The following SLC38A11 variants were observed in gnomAD, a reference collection of about 807,000 sequenced individuals.
SLC38A11 encodes the protein putative sodium-coupled neutral amino acid transporter 11.
Under a neutral mutation model 49.4 loss-of-function variants are expected in SLC38A11, and 51 were observed. That is an observed-to-expected ratio of 1.03 (90% confidence interval 0.83 to 1.30). SLC38A11 has a LOEUF of 1.30. SLC38A11 is among the 50% of genes most tolerant of loss of function. The probability of loss-of-function intolerance (pLI) is 0.00; values close to 1 mark genes in which losing one functional copy is unlikely to be tolerated. For missense variants in SLC38A11, 574 were observed against 556.2 expected, an observed-to-expected ratio of 1.03 and a Z score of -0.32; for synonymous variants, 203 against 192.9, an observed-to-expected ratio of 1.05 and a Z score of -0.43.
intron 7 of SLC38A11, among the ~76,000 whole-genome samples, chr2:164,918,631 T>C (rs1685965387): frequency 6.6e-6 from 1 of 152,150 alleles, no homozygotes; most frequent in Non-Finnish European, 1.5e-5. Flanking sequence ...TCCTAGCTGA[T>C]TCAATAAAAT....
chr2:164,944,343 T>A (rs35425405), intron 5 of SLC38A11, among the ~76,000 whole-genome samples: 10,450 of 152,138 alleles, frequency 0.069, 394 homozygotes, highest in Admixed American at 0.1. Context: ...TTCTAAGTAT[T>A]TAAATAGTAA....
chr2:164,927,664 C>T (rs1232981954), intron 7 of SLC38A11, among the ~76,000 whole-genome samples: 1 of 152,098 alleles, frequency 6.6e-6, no homozygotes. Context: ...TACCAACTTC[C>T]CGTCCCCCAT....
intron 11 of SLC38A11, among the ~76,000 whole-genome samples, chr2:164,906,799 TC>T (rs1237979484): frequency 6.6e-6 from 1 of 152,150 alleles, no homozygotes; most frequent in East Asian, 1.9e-4. Flanking sequence ...AACTGCTTAC[TC>T]CCCACTTTCC....
intron 9 of SLC38A11, among the ~76,000 whole-genome samples, chr2:164,914,905 G>C (rs1016776633): frequency 1.3e-5 from 2 of 151,902 alleles, no homozygotes; most frequent in East Asian, 3.9e-4. Context: ...TGGAAGGAGA[G>C]AGTATGGGCT....
chr2:164,934,125 G>A (rs1262429208), intron 7 of SLC38A11, among the ~76,000 whole-genome samples: 2 of 152,042 alleles, frequency 1.3e-5, no homozygotes, highest in Non-Finnish European at 2.9e-5. Context: ...TCTATATCAA[G>A]GCACACTGCT....
At chr2:164,947,251 C>G (rs944989717) in intron 3 of SLC38A11, among the ~76,000 whole-genome samples, 1 of 149,112 alleles carries the variant, frequency 6.7e-6, no homozygotes, top group Non-Finnish European at 1.5e-5. Context: ...CCTGCCTCAG[C>G]TTCCTGATCA....
chr2:164,920,614 G>C (rs900109060), intron 7 of SLC38A11, among the ~76,000 whole-genome samples: 1 of 152,118 alleles, frequency 6.6e-6, no homozygotes, highest in Non-Finnish European at 1.5e-5. Context: ...AGAAGATGTT[G>C]CAACCATGTA....
rs138230187 is a variant in SLC38A11, at chr2:164,908,703, G to A, written c.1032C>T (p.Val344=). The part of the protein sequence containing the change: ...SVFHIVVTVM[V]ITVATLVSLL... ...ATGACACAAGCGTGGCTACAGTGAT[G>A]ACCATCACTGTTACAACAATGTGGA... Residue 344 remains valine (V), a synonymous_variant, in exon 11 of 12, where the codon GTC becomes GTT. Transcript: ENST00000685975. 6.2e-7 allele frequency: 1 copy of A among 1,611,296 alleles called. No individual in the cohort carries two copies. The highest frequency in any genetic ancestry group is 1.7e-5 in the Admixed American group (1 of 59,664).
In SLC38A11 at chr2:164,944,586, A is replaced by C. The variant is rs1687984695; in HGVS notation, c.413T>G (p.Phe138Cys). Residue 138 changes from phenylalanine (F) to cysteine (C), a missense_variant, in exon 5 of 12, where the codon TTT becomes TGT. Phe to Cys is a radical substitution (Grantham distance 205). Transcript: ENST00000685975. ...IIAGDTLSKV[F>C]QRIPGVDPEN... ...TGGCTTACCTCCTGGGATTCTTTGA[A>C]AAACTTTGCTCAAAGTATCTCCAGC... The C allele has an allele frequency of 7.5e-7, 1 of 1,341,008 alleles. No individual in the cohort carries two copies. The highest frequency in any genetic ancestry group is 3.1e-5 in the Admixed American group (1 of 32,128). The allele number at this position is 1,341,008 out of a possible 1,614,324, so 83.1% of individuals were successfully genotyped here. A position where few individuals can be genotyped will look rare whatever the true frequency, so the allele number is the denominator to read the frequency against.
chr2:164,943,587 G>A (rs1358008741), intron 5 of SLC38A11, among the ~76,000 whole-genome samples: 1 of 152,198 alleles, frequency 6.6e-6, no homozygotes, highest in Non-Finnish European at 1.5e-5. Flanking sequence ...TTGGAAGAGG[G>A]AGCTGGAGAT....
intron 6 of SLC38A11, 102 bp from the exon 7 acceptor site, chr2:164,937,531 A>G: frequency 1.3e-6 from 1 of 765,662 alleles, no homozygotes; most frequent in East Asian, 2.7e-5. Flanking sequence ...TTACATATAG[A>G]TTTTTTTGCC....
intron 7 of SLC38A11, among the ~76,000 whole-genome samples, chr2:164,935,703 A>G (rs1358204329): frequency 6.6e-6 from 1 of 151,968 alleles, no homozygotes; most frequent in Non-Finnish European, 1.5e-5. Flanking sequence ...AAGTAAAAAC[A>G]AAACAAAAAA....
intron 7 of SLC38A11, among the ~76,000 whole-genome samples, chr2:164,926,626 A>G (rs1284027786): frequency 3.9e-5 from 6 of 152,120 alleles, no homozygotes; most frequent in Admixed American, 6.5e-5. Context: ...ATGTCCATCA[A>G]TGATAGACTG....
intron 4 of SLC38A11, 49 bp from the exon 5 acceptor site, chr2:164,944,683 C>T: frequency 1.4e-6 from 1 of 724,608 alleles, no homozygotes; most frequent in Non-Finnish European, 2.0e-6. Context: ...TCTCATATTT[C>T]ATCCTAAATA....
intron 7 of SLC38A11, among the ~76,000 whole-genome samples, chr2:164,917,141 G>T (rs2105465919): frequency 6.6e-6 from 1 of 152,212 alleles, no homozygotes; most frequent in Admixed American, 6.6e-5. Context: ...GGGAAGGGAA[G>T]GCTTGAGTAA....
At chr2:164,946,980 T>C (rs1486021829) in intron 3 of SLC38A11, among the ~76,000 whole-genome samples, 3 of 152,094 alleles carry the variant, frequency 2.0e-5, no homozygotes, top group Non-Finnish European at 2.9e-5. Flanking sequence ...ATTCCTTTTA[T>C]TCTCAACCAT....
chr2:164,894,677 G>A lies in SLC38A11; in HGVS notation c.*3760C>T, dbSNP rs76569572. On this transcript the variant is annotated 3_prime_UTR_variant, in exon 12 of 12. Transcript: ENST00000685975. ...ACCAGCATAACTGTGTTGATTTGGG[G>A]TTGTAATCTCTATTTTCTCCCTTGT... is the stretch of plus-strand genomic sequence containing the variant. Among the ~76,000 whole-genome samples the A allele has an allele frequency of 0.023, 3,523 of 152,176 alleles. 59 individuals are homozygous for A. The highest frequency in any genetic ancestry group is 0.038 in the Non-Finnish European group (2,564 of 67,998).
At chr2:164,924,949 G>A (rs985433769) in intron 7 of SLC38A11, among the ~76,000 whole-genome samples, 3 of 151,958 alleles carry the variant, frequency 2.0e-5, no homozygotes, top group African/African-American at 7.3e-5. Context: ...TAGTAGAGAC[G>A]GGGTTTCACT....
chr2:164,931,618 G>A (rs1234407589), intron 7 of SLC38A11, among the ~76,000 whole-genome samples: 1 of 151,958 alleles, frequency 6.6e-6, no homozygotes, highest in South Asian at 2.1e-4. Flanking sequence ...AATTAGGGCT[G>A]CACAGCTACA....
Sources: gnomAD v4.1 joint callset for allele counts (sites outside exome capture counted in the v4.1 genomes callset) on GRCh38, gnomAD v4.1.1 for gene constraint, MANE v1.5 for transcripts, NCBI Gene and HGNC (gene_info 2026-07-23, HGNC 2026-07-21) for gene names.